BLTP1: variants seen among roughly 807,000 people sequenced by gnomAD.
The protein encoded by BLTP1 is fragile site-associated protein.
At chr4:122,254,677 A>G in the BLTP1 span, 5 of 1,210,286 alleles carry the variant, frequency 4.1e-6, no homozygotes, top group African/African-American at 1.6e-5. Flanking sequence ...ATAATTTATC[A>G]GTGCTCAAAA....
chr4:122,311,694 G>A, the BLTP1 span, among the ~76,000 whole-genome samples: 1 of 152,224 alleles, frequency 6.6e-6, no homozygotes, highest in South Asian at 2.1e-4. Context: ...AGAGTTCAAA[G>A]AACGATTTAA....
chr4:122,242,393 A>G, the BLTP1 span, among the ~76,000 whole-genome samples: 1 of 152,194 alleles, frequency 6.6e-6, no homozygotes, highest in African/African-American at 2.4e-5. Flanking sequence ...CAAATACCTC[A>G]TGATTTCACT....
At chr4:122,247,948 G>T in the BLTP1 span, 1 of 985,004 alleles carries the variant, frequency 1.0e-6, no homozygotes, top group Non-Finnish European at 1.2e-6. Flanking sequence ...AGTTAGATTT[G>T]CTAATCGTAT....
the BLTP1 span, chr4:122,236,793 T>C: frequency 1.0e-6 from 1 of 979,990 alleles, no homozygotes; most frequent in Non-Finnish European, 1.2e-6. Flanking sequence ...ATAGGAAGTG[T>C]CTGTATCTCT....
At chr4:122,324,534 A>C in the BLTP1 span, 1 of 1,605,916 alleles carries the variant, frequency 6.2e-7, no homozygotes, top group South Asian at 1.1e-5. Flanking sequence ...TGGAAAGGGC[A>C]AGGTAATATA....
the BLTP1 span, chr4:122,207,150 T>C: frequency 6.2e-7 from 1 of 1,609,450 alleles, no homozygotes; most frequent in Non-Finnish European, 8.5e-7. Context: ...CTCCAGACAT[T>C]TTTTCATTTG....
chr4:122,180,090 C>A, the BLTP1 span: 1 of 983,760 alleles, frequency 1.0e-6, no homozygotes, highest in African/African-American at 1.8e-5. Flanking sequence ...TTTAAAAAAA[C>A]CTAATATGTT....
At chr4:122,184,824 A>T in the BLTP1 span, 1 of 985,408 alleles carries the variant, frequency 1.0e-6, no homozygotes, top group Non-Finnish European at 1.2e-6. Flanking sequence ...TTGTATGACA[A>T]AACTTAGCCT....
At chr4:122,280,223 G>T in the BLTP1 span, 20 of 980,024 alleles carry the variant, frequency 2.0e-5, no homozygotes, top group Non-Finnish European at 2.3e-5. Flanking sequence ...AAGCTTAAGA[G>T]ATCCTAGAGA....
the BLTP1 span, chr4:122,230,334 T>G: frequency 1.3e-6 from 1 of 785,138 alleles, no homozygotes; most frequent in East Asian, 2.6e-5. Context: ...CTAACATGAT[T>G]GTGCTGCTGC....
the BLTP1 span, among the ~76,000 whole-genome samples, chr4:122,358,346 AACAACAAAAAG>A: frequency 6.6e-6 from 1 of 152,220 alleles, no homozygotes; most frequent in Non-Finnish European, 1.5e-5. Flanking sequence ...TCTAAAAAAC[AACAACAAAAAG>A]ACCGTTTTAA....
At chr4:122,232,208 C>T in the BLTP1 span, 3 of 719,644 alleles carry the variant, frequency 4.2e-6, no homozygotes, top group South Asian at 1.9e-4. Context: ...GTTACAATTT[C>T]ATGGATGCTG....
the BLTP1 span, chr4:122,271,681 A>G: frequency 1.3e-6 from 2 of 1,590,780 alleles, no homozygotes; most frequent in Non-Finnish European, 1.7e-6. Context: ...TCTCCGATCC[A>G]ACAGGAATAT....
the BLTP1 span, chr4:122,220,331 A>G: frequency 1.9e-6 from 3 of 1,612,430 alleles, no homozygotes; most frequent in Non-Finnish European, 2.5e-6. Flanking sequence ...ATTTGACTGT[A>G]GCATGGAACT....
At chr4:122,230,210 A>G in the BLTP1 span, 1 of 1,611,420 alleles carries the variant, frequency 6.2e-7, no homozygotes, top group Non-Finnish European at 8.5e-7. Flanking sequence ...CAGAACTAAG[A>G]GGTAGGTGAA....
the BLTP1 span, chr4:122,209,479 T>C: frequency 1.2e-6 from 1 of 830,030 alleles, no homozygotes; most frequent in Non-Finnish European, 1.9e-6. Flanking sequence ...ACCTTGTCTC[T>C]AGTAAATATA....
chr4:122,275,742 A>G, the BLTP1 span, among the ~76,000 whole-genome samples: 2 of 152,094 alleles, frequency 1.3e-5, no homozygotes, highest in Admixed American at 6.5e-5. Context: ...AAAATTATTT[A>G]TTAGTTACTG....
the BLTP1 span, chr4:122,306,041 T>TA: frequency 6.2e-7 from 1 of 1,603,494 alleles, no homozygotes; most frequent in Non-Finnish European, 8.5e-7. Flanking sequence ...TGGCCTTTGA[T>TA]AGAGGTAAGA....
At chr4:122,273,500 A>T in the BLTP1 span, 1 of 890,974 alleles carries the variant, frequency 1.1e-6, no homozygotes, top group Non-Finnish European at 1.3e-6. Flanking sequence ...AAAAAAAAAA[A>T]TTGTCAGTTT....
Sources: allele counts gnomAD v4.1 joint callset (sites outside exome capture counted in the v4.1 genomes callset), GRCh38; gene constraint gnomAD v4.1.1; transcripts MANE v1.5; gene names NCBI Gene and HGNC (gene_info 2026-07-23, HGNC 2026-07-21).